Variants in ZYG11A observed in about 807,000 individuals in gnomAD.
ZYG11A encodes protein zyg-11 homolog A.
ZYG11A carries 62 observed loss-of-function variants against 77.2 expected under a neutral mutation model. That is an observed-to-expected ratio of 0.80 (90% CI 0.65 to 0.99). The LOEUF is 0.99. Ranked by LOEUF, ZYG11A falls within the 50% of genes least tolerant of loss-of-function variation. ZYG11A has a pLI of 0.00. For missense variants in ZYG11A, 828 were observed against 896.8 expected (o/e 0.92, Z 0.98); for synonymous variants, 315 against 324.6 (o/e 0.97, Z 0.32).
At chr1:52,868,990 C>T (rs1472506346) in intron 8 of ZYG11A, among the ~76,000 whole-genome samples, 3 of 152,058 alleles carry the variant, frequency 2.0e-5, no homozygotes, top group African/African-American at 7.2e-5. Flanking sequence ...CATGTGCCAC[C>T]ACGCCTGGCT....
chr1:52,867,085 C>A (rs1252720814), intron 6 of ZYG11A, among the ~76,000 whole-genome samples: 1 of 152,098 alleles, frequency 6.6e-6, no homozygotes, highest in Non-Finnish European at 1.5e-5. Flanking sequence ...TAATAGTTGA[C>A]ATAAAAGAGC....
intron 3 of ZYG11A, among the ~76,000 whole-genome samples, chr1:52,858,854 A>T (rs1645868726): frequency 1.3e-5 from 2 of 151,934 alleles, no homozygotes; most frequent in South Asian, 4.1e-4. Context: ...ACCTCAGGTG[A>T]TCCACCTGCC....
At chr1:52,883,105 A>G (rs909634926) in intron 11 of ZYG11A, among the ~76,000 whole-genome samples, 6 of 151,776 alleles carry the variant, frequency 4.0e-5, no homozygotes, top group Non-Finnish European at 8.8e-5. Context: ...TGATAATTTT[A>G]AATTTTATTT....
At chr1:52,892,689 T>G in intron 13 of ZYG11A, 93 bp from the exon 14 acceptor site, 4 of 1,108,604 alleles carry the variant, frequency 3.6e-6, no homozygotes, top group East Asian at 2.6e-5. Flanking sequence ...GCTTAAACCT[T>G]TGTATTGTTT....
chr1:52,882,675 T>G (rs1219583928), intron 11 of ZYG11A, among the ~76,000 whole-genome samples: 2 of 152,162 alleles, frequency 1.3e-5, no homozygotes, highest in South Asian at 2.1e-4. Flanking sequence ...CTTTGAAATA[T>G]TTTTCCTTCA....
chr1:52,888,808 A>G (rs1011933280), intron 13 of ZYG11A, among the ~76,000 whole-genome samples: 5 of 152,242 alleles, frequency 3.3e-5, no homozygotes, highest in Admixed American at 3.3e-4. Context: ...TGGGGAACAG[A>G]GCAAGACTCC....
At chr1:52,890,700 C>T (rs1432004026) in intron 13 of ZYG11A, among the ~76,000 whole-genome samples, 1 of 151,452 alleles carries the variant, frequency 6.6e-6, no homozygotes, top group African/African-American at 2.4e-5. Context: ...TCAACCTGGG[C>T]TCAGGTGACT....
At chr1:52,889,771 G>GTGCACTCT (rs1245210680) in intron 13 of ZYG11A, among the ~76,000 whole-genome samples, 1 of 150,032 alleles carries the variant, frequency 6.7e-6, no homozygotes, top group Admixed American at 6.6e-5. Context: ...GAGTGCAGTG[G>GTGCACTCT]TGCACTCTTG....
chr1:52,869,963 GA>G (rs1646117310), intron 8 of ZYG11A, among the ~76,000 whole-genome samples: 1 of 109,284 alleles, frequency 9.2e-6, no homozygotes, highest in Non-Finnish European at 2.0e-5. Context: ...GCGGGGGGCT[GA>G]CCCCCCCCCA....
chr1:52,888,210 G>A (rs924993005), intron 13 of ZYG11A, among the ~76,000 whole-genome samples: 7 of 152,170 alleles, frequency 4.6e-5, no homozygotes, highest in African/African-American at 1.7e-4. Context: ...CATTTTCTAA[G>A]ATGGAATGAC....
intron 1 of ZYG11A, among the ~76,000 whole-genome samples, chr1:52,849,822 A>G (rs1008175893): frequency 2.7e-5 from 4 of 150,762 alleles, no homozygotes; most frequent in African/African-American, 7.3e-5. Flanking sequence ...AGCTGGGACT[A>G]CAGGCACCGG....
intron 10 of ZYG11A, among the ~76,000 whole-genome samples, chr1:52,880,784 G>A (rs1013258353): frequency 1.3e-5 from 2 of 152,170 alleles, no homozygotes; most frequent in Non-Finnish European, 2.9e-5. Context: ...TCTGCCAGCA[G>A]TCTGAGTGAG....
chr1:52,856,002 T>A (rs1262097680), intron 2 of ZYG11A, among the ~76,000 whole-genome samples: 2 of 152,228 alleles, frequency 1.3e-5, no homozygotes, highest in Non-Finnish European at 2.9e-5. Flanking sequence ...AATTGCTGGA[T>A]CAAATGGTAA....
At chr1:52,844,968 G>A (rs1645535273) in intron 1 of ZYG11A, among the ~76,000 whole-genome samples, 1 of 151,902 alleles carries the variant, frequency 6.6e-6, no homozygotes, top group East Asian at 1.9e-4. Context: ...AATTAAGACG[G>A]TGGTTTCCCT....
Position 52,863,987 on chromosome 1 carries a change from G to A in ZYG11A, c.1156G>A (p.Ala386Thr). 1 of 1,550,052 alleles carries A rather than the reference G, an allele frequency of 6.5e-7. No individual in the cohort carries two copies. The highest frequency in any genetic ancestry group is 8.7e-7 in the Non-Finnish European group (1 of 1,146,212). ...AAAACAAGTTCATCTTCAGCTTGTG[G>A]CTATAGGAATGAGGAATCACCCATT... ...VTMPAILKLV[A>T]IGMRNHPLDL... The change falls in exon 5 of 14, where the codon GCT (alanine) becomes ACT (threonine). Residue 386 changes from alanine (A) to threonine (T), a missense_variant. Coordinates refer to ENST00000371528, the MANE Select transcript of ZYG11A (RefSeq NM_001004339.3).
intron 8 of ZYG11A, among the ~76,000 whole-genome samples, chr1:52,877,315 G>A (rs1646278902): frequency 6.6e-6 from 1 of 152,010 alleles, no homozygotes; most frequent in Admixed American, 6.6e-5. Context: ...ATTTAATTGA[G>A]AAAAGCCAAC....
chr1:52,886,284 T>TA (rs1340080802), intron 12 of ZYG11A, among the ~76,000 whole-genome samples: 2 of 152,148 alleles, frequency 1.3e-5, no homozygotes. Context: ...GATAACGTGT[T>TA]AGAGTCAGTT....
At chr1:52,847,859 TATTTATTTA>T (rs1645625324) in intron 1 of ZYG11A, among the ~76,000 whole-genome samples, 1 of 97,746 alleles carries the variant, frequency 1.0e-5, no homozygotes, top group African/African-American at 3.2e-5. Context: ...TTTATTTATT[TATTTATTTA>T]TTTATTTATT....
intron 5 of ZYG11A, among the ~76,000 whole-genome samples, chr1:52,865,048 G>C (rs1034288963): frequency 3.3e-5 from 5 of 151,004 alleles, no homozygotes; most frequent in African/African-American, 1.2e-4. Flanking sequence ...TGCAACCTCT[G>C]CCTCCTGCCT....
Sources: allele counts gnomAD v4.1 joint callset (sites outside exome capture counted in the v4.1 genomes callset), GRCh38; gene constraint gnomAD v4.1.1; transcripts MANE v1.5; gene names NCBI Gene and HGNC (gene_info 2026-07-23, HGNC 2026-07-21).